ITGA9: variants seen among roughly 807,000 people sequenced by gnomAD.
The protein encoded by ITGA9 is integrin subunit alpha 9.
ITGA9 carries 56 observed loss-of-function variants against 127.8 expected under a neutral mutation model. That is an observed-to-expected ratio of 0.44 (90% CI 0.35 to 0.55). ITGA9 has a LOEUF of 0.55. ITGA9 is among the 20% of genes least tolerant of loss of function. The probability of loss-of-function intolerance (pLI) is 0.00; values close to 1 mark genes in which losing one functional copy is unlikely to be tolerated. For synonymous variants in ITGA9, 508 were observed against 514.5 expected, an observed-to-expected ratio of 0.99 and a Z score of 0.17; for missense variants, 1,196 against 1,347.1, an observed-to-expected ratio of 0.89 and a Z score of 1.76.
chr3:37,601,102 C>A (rs1699918592), intron 15 of ITGA9, among the ~76,000 whole-genome samples: 1 of 152,224 alleles, frequency 6.6e-6, no homozygotes. Context: ...CCACCCCAGT[C>A]CTTTAAAGAC....
chr3:37,604,663 T>G (rs1699951098), intron 15 of ITGA9, among the ~76,000 whole-genome samples: 1 of 152,268 alleles, frequency 6.6e-6, no homozygotes. Flanking sequence ...ATGTCCCTTC[T>G]CTTTTCTTTA....
chr3:37,704,509 G>A (rs189138247), intron 18 of ITGA9, among the ~76,000 whole-genome samples: 84 of 152,300 alleles, frequency 5.5e-4, no homozygotes, highest in Non-Finnish European at 9.7e-4. Context: ...TCATTTGCCC[G>A]TTGAGCACTG....
At chr3:37,761,237 A>G (rs1696719992) in intron 23 of ITGA9, among the ~76,000 whole-genome samples, 1 of 152,250 alleles carries the variant, frequency 6.6e-6, no homozygotes, top group South Asian at 2.1e-4. Context: ...GTTGGTTAAG[A>G]TGAAGAGAAA....
chr3:37,719,248 TAAGAA>T (rs1575207257), intron 18 of ITGA9, among the ~76,000 whole-genome samples: 3 of 152,212 alleles, frequency 2.0e-5, no homozygotes, highest in South Asian at 2.1e-4. Context: ...ACCAGTTCTT[TAAGAA>T]GAGTCCTGAG....
intron 17 of ITGA9, among the ~76,000 whole-genome samples, chr3:37,672,266 G>A (rs991480805): frequency 1.3e-5 from 2 of 152,164 alleles, no homozygotes; most frequent in Non-Finnish European, 2.9e-5. Flanking sequence ...CCCACATGTT[G>A]TGGCAGGAAC....
intron 19 of ITGA9, among the ~76,000 whole-genome samples, chr3:37,733,840 T>C (rs1696326801): frequency 1.3e-5 from 2 of 152,180 alleles, no homozygotes; most frequent in South Asian, 4.1e-4. Flanking sequence ...AGGTAATAAC[T>C]TTCTCACTGT....
intron 18 of ITGA9, among the ~76,000 whole-genome samples, chr3:37,686,572 A>G (rs144108628): frequency 3.9e-4 from 60 of 152,316 alleles, no homozygotes; most frequent in African/African-American, 1.2e-3. Context: ...AAATGGGAGC[A>G]CATCATTTTG....
intron 18 of ITGA9, among the ~76,000 whole-genome samples, chr3:37,699,794 T>A (rs1700926525): frequency 1.3e-5 from 2 of 152,212 alleles, no homozygotes; most frequent in South Asian, 4.1e-4. Context: ...TGAAACACAC[T>A]AAGCTTATCC....
chr3:37,773,049 TGC>T (rs1414961719), intron 23 of ITGA9, among the ~76,000 whole-genome samples: 8 of 152,342 alleles, frequency 5.3e-5, no homozygotes, highest in Non-Finnish European at 1.0e-4. Context: ...CCCAGCTCCC[TGC>T]CCCTCTCCGC....
At chr3:37,805,013 T>C (rs1697279450) in intron 27 of ITGA9, among the ~76,000 whole-genome samples, 1 of 152,142 alleles carries the variant, frequency 6.6e-6, no homozygotes, top group Admixed American at 6.5e-5. Flanking sequence ...TTTACAGTAA[T>C]ATACTCAGCA....
intron 18 of ITGA9, among the ~76,000 whole-genome samples, chr3:37,694,375 G>T (rs1360069187): frequency 6.6e-6 from 1 of 152,240 alleles, no homozygotes; most frequent in East Asian, 1.9e-4. Context: ...TTGCATCAGG[G>T]AGAGCCCAGC....
chr3:37,481,337 G>C, intron 3 of ITGA9, 147 bp from the exon 4 acceptor site: 1 of 1,026,388 alleles, frequency 9.7e-7, no homozygotes, highest in Non-Finnish European at 1.5e-6. Context: ...CTGATGCCCA[G>C]AAAAGTGCCT....
intron 3 of ITGA9, among the ~76,000 whole-genome samples, chr3:37,480,269 G>A (rs1479300375): frequency 6.6e-6 from 1 of 152,060 alleles, no homozygotes; most frequent in Non-Finnish European, 1.5e-5. Context: ...CTGCATCCTG[G>A]CTGCTGGCAC....
chr3:37,694,338 T>G (rs1700862197), intron 18 of ITGA9, among the ~76,000 whole-genome samples: 1 of 152,220 alleles, frequency 6.6e-6, no homozygotes, highest in South Asian at 2.1e-4. Context: ...TGTGTTTGTA[T>G]TTCCTCACCT....
chr3:37,525,924 C>A, intron 12 of ITGA9, 102 bp from the exon 13 acceptor site: 2 of 920,404 alleles, frequency 2.2e-6, no homozygotes, highest in South Asian at 1.3e-5. Flanking sequence ...GAGGGCTCTC[C>A]GGCCTCAAGG....
At chr3:37,800,019 G>A (rs1444669274) in intron 26 of ITGA9, among the ~76,000 whole-genome samples, 1 of 152,136 alleles carries the variant, frequency 6.6e-6, no homozygotes, top group Non-Finnish European at 1.5e-5. Context: ...TGAGAGAACA[G>A]GCTCTGCCAA....
chr3:37,765,688 GCACAAGTTA>G (rs1332004079), intron 23 of ITGA9, among the ~76,000 whole-genome samples: 1 of 152,152 alleles, frequency 6.6e-6, no homozygotes, highest in Non-Finnish European at 1.5e-5. Flanking sequence ...GTGTTTCTGT[GCACAAGTTA>G]CACTCAACAC....
intron 26 of ITGA9, among the ~76,000 whole-genome samples, chr3:37,791,938 A>G (rs957114630): frequency 2.0e-5 from 3 of 152,164 alleles, no homozygotes; most frequent in African/African-American, 7.2e-5. Context: ...GTTATTTATC[A>G]TTTATGTGAC....
chr3:37,465,231 C>T (rs1031082282), intron 1 of ITGA9, among the ~76,000 whole-genome samples: 1 of 152,170 alleles, frequency 6.6e-6, no homozygotes, highest in Non-Finnish European at 1.5e-5. Flanking sequence ...CCTTCTCTGT[C>T]ACCCGCTCTC....
Sources: gnomAD v4.1 joint callset for allele counts (sites outside exome capture counted in the v4.1 genomes callset) on GRCh38, gnomAD v4.1.1 for gene constraint, MANE v1.5 for transcripts, NCBI Gene and HGNC (gene_info 2026-07-23, HGNC 2026-07-21) for gene names.